The following ZDHHC14 variants were observed in gnomAD, a reference collection of about 807,000 sequenced individuals.
ZDHHC14 encodes zDHHC palmitoyltransferase 14.
Under a neutral mutation model 47.7 loss-of-function variants are expected in ZDHHC14, and 16 were observed. The ratio of observed to expected loss-of-function variants is 0.34; its 90% CI spans 0.23 to 0.51. The LOEUF is 0.51. Ranked by LOEUF, ZDHHC14 falls within the 20% of genes least tolerant of loss-of-function variation. The probability of loss-of-function intolerance (pLI) is 0.97; values close to 1 mark genes in which losing one functional copy is unlikely to be tolerated. For missense variants in ZDHHC14, 515 were observed against 662.5 expected, an observed-to-expected ratio of 0.78 and a Z score of 2.44; for synonymous variants, 293 against 278.9, an observed-to-expected ratio of 1.05 and a Z score of -0.50.
chr6:157,605,794 G>A (rs941416461), intron 3 of ZDHHC14, among the ~76,000 whole-genome samples: 3 of 152,166 alleles, frequency 2.0e-5, no homozygotes, highest in African/African-American at 4.8e-5. Flanking sequence ...GAGACTCTGC[G>A]TGGGCACAGC....
At chr6:157,605,968 T>A (rs1784525206) in intron 3 of ZDHHC14, among the ~76,000 whole-genome samples, 1 of 152,198 alleles carries the variant, frequency 6.6e-6, no homozygotes, top group Non-Finnish European at 1.5e-5. Flanking sequence ...ACTTGCTAGT[T>A]CTTCCCCCAG....
intron 1 of ZDHHC14, among the ~76,000 whole-genome samples, chr6:157,534,206 T>A (rs1562466443): frequency 6.6e-6 from 1 of 152,180 alleles, no homozygotes; most frequent in African/African-American, 2.4e-5. Flanking sequence ...ACGCTTGGTA[T>A]GTGCAGGTCT....
intron 2 of ZDHHC14, among the ~76,000 whole-genome samples, chr6:157,565,225 A>C (rs1380623242): frequency 1.3e-5 from 2 of 152,150 alleles, no homozygotes; most frequent in Non-Finnish European, 2.9e-5. Context: ...CCATCCAGGC[A>C]AAAGAGTGAG....
At chr6:157,547,692 G>C (rs9347355) in intron 2 of ZDHHC14, among the ~76,000 whole-genome samples, 45,997 of 63,598 alleles carry the variant, frequency 0.72, 18,561 homozygotes, top group African/African-American at 0.9. Context: ...TTTTCATTTA[G>C]ATTGTTATTT....
intron 8 of ZDHHC14, among the ~76,000 whole-genome samples, chr6:157,658,334 C>T (rs1778194142): frequency 6.6e-6 from 1 of 152,164 alleles, no homozygotes; most frequent in African/African-American, 2.4e-5. Context: ...ACCTAAAGCC[C>T]CCTTTTAGCT....
chr6:157,666,489 G>A (rs1380048325), intron 8 of ZDHHC14, among the ~76,000 whole-genome samples: 1 of 152,124 alleles, frequency 6.6e-6, no homozygotes, highest in Non-Finnish European at 1.5e-5. Context: ...CTTCCAACCT[G>A]CACCTGCATT....
At chr6:157,552,211 C>T (rs184983694) in intron 2 of ZDHHC14, among the ~76,000 whole-genome samples, 11 of 152,048 alleles carry the variant, frequency 7.2e-5, no homozygotes, top group Admixed American at 2.0e-4. Flanking sequence ...GTGTAACTGG[C>T]GTATTTGGGA....
At chr6:157,456,034 CGGCGAGGATTTA>C in intron 1 of ZDHHC14, among the ~76,000 whole-genome samples, 1 of 152,252 alleles carries the variant, frequency 6.6e-6, no homozygotes, top group Non-Finnish European at 1.5e-5. Context: ...TTTGCTTTTT[CGGCGAGGATTTA>C]GGTTTCATCG....
intron 1 of ZDHHC14, among the ~76,000 whole-genome samples, chr6:157,472,227 A>G (rs910844845): frequency 2.6e-5 from 4 of 152,124 alleles, no homozygotes; most frequent in African/African-American, 9.7e-5. Context: ...ATCCAGCTAC[A>G]GGGTAAAAAC....
intron 1 of ZDHHC14, among the ~76,000 whole-genome samples, chr6:157,521,007 A>G (rs937395651): frequency 1.6e-4 from 25 of 152,224 alleles, no homozygotes; most frequent in African/African-American, 5.3e-4. Flanking sequence ...ATATGATTCC[A>G]AATGCATATA....
chr6:157,448,425 T>A lies in ZDHHC14; in HGVS notation c.245+66159T>A, dbSNP rs1390278632. Among the ~76,000 whole-genome samples the A allele has an allele frequency of 2.6e-5, 4 of 152,230 alleles. No individual in the cohort carries two copies. In the East Asian group the frequency reaches 7.7e-4, roughly 29 times the overall value. ...CAGCTTCACAGATAATTATATAAAA[T>A]CATTTTGATCAATATTCAGTTCATC... On this transcript the variant is annotated intron_variant, in intron 1 of 8. Coordinates refer to ENST00000359775, the MANE Select transcript of ZDHHC14 (RefSeq NM_024630.3).
chr6:157,622,270 G>C (rs924601982), intron 3 of ZDHHC14, among the ~76,000 whole-genome samples: 5 of 149,032 alleles, frequency 3.4e-5, no homozygotes, highest in Non-Finnish European at 5.9e-5. Context: ...CATGCCTATA[G>C]TCCCAGCCAC....
chr6:157,450,516 T>TAAAAAA (rs35262370), intron 1 of ZDHHC14, among the ~76,000 whole-genome samples: 3 of 137,712 alleles, frequency 2.2e-5, no homozygotes, highest in Non-Finnish European at 3.1e-5. Flanking sequence ...GACTCCGTCT[T>TAAAAAA]AAAAAAAAAA....
intron 4 of ZDHHC14, chr6:157,630,862 TCACA>T (rs1051642166): frequency 7.1e-6 from 1 of 141,624 alleles, no homozygotes; most frequent in African/African-American, 2.7e-5. Context: ...ACCAATAAGC[TCACA>T]CACACATAGC....
At chr6:157,464,843 T>TGA (rs1365539002) in intron 1 of ZDHHC14, among the ~76,000 whole-genome samples, 2 of 152,296 alleles carry the variant, frequency 1.3e-5, no homozygotes, top group East Asian at 3.9e-4. Flanking sequence ...CTTGGCTGCC[T>TGA]CCCTCACAAA....
intron 8 of ZDHHC14, among the ~76,000 whole-genome samples, chr6:157,668,522 TAAAAA>T (rs34696696): frequency 8.9e-5 from 11 of 123,902 alleles, no homozygotes; most frequent in African/African-American, 1.2e-4. Flanking sequence ...CCATCTCCAC[TAAAAA>T]AAAAAAAAAA....
intron 2 of ZDHHC14, 98 bp downstream of exon 2, chr6:157,542,843 C>G: frequency 7.0e-7 from 1 of 1,424,282 alleles, no homozygotes; most frequent in Non-Finnish European, 9.4e-7. Flanking sequence ...AGGAGCTGAG[C>G]GCTGGGAAGG....
intron 1 of ZDHHC14, among the ~76,000 whole-genome samples, chr6:157,453,788 T>TTTTTTTTTTTTTTGTGTGTGTGTG (rs3220439): frequency 3.0e-4 from 44 of 148,190 alleles, no homozygotes; most frequent in African/African-American, 9.6e-4. Flanking sequence ...TTTTTGTGTT[T>TTTTTTTTTTTTTTGTGTGTGTGTG]TGTGTGTGTG....
At chr6:157,464,401 G>T (rs1779160412) in intron 1 of ZDHHC14, among the ~76,000 whole-genome samples, 1 of 152,090 alleles carries the variant, frequency 6.6e-6, no homozygotes. Context: ...ATAGTTCATA[G>T]TTTCCTCATT....
Sources: gnomAD v4.1 joint callset for allele counts (sites outside exome capture counted in the v4.1 genomes callset) on GRCh38, gnomAD v4.1.1 for gene constraint, MANE v1.5 for transcripts, NCBI Gene and HGNC (gene_info 2026-07-23, HGNC 2026-07-21) for gene names.